The following LSAMP variants were observed in gnomAD, a reference collection of about 807,000 sequenced individuals.
LSAMP encodes limbic system associated membrane protein.
Under a neutral mutation model 38.6 loss-of-function variants are expected in LSAMP, and 7 were observed. The ratio of observed to expected loss-of-function variants is 0.18; its 90% CI spans 0.10 to 0.34. LSAMP has a LOEUF of 0.34. Ranked by LOEUF, LSAMP falls within the 10% of genes least tolerant of loss-of-function variation. The pLI is 1.00. For synonymous variants in LSAMP, 154 were observed against 166.8 expected (o/e 0.92, Z 0.59); for missense variants, 313 against 420.0 (o/e 0.75, Z 2.23).
At chr3:116,359,735 T>A (rs1576160620) in intron 1 of LSAMP, among the ~76,000 whole-genome samples, 1 of 152,168 alleles carries the variant, frequency 6.6e-6, no homozygotes, top group East Asian at 1.9e-4. Context: ...AGTCTGTATT[T>A]AATAAATGGT....
At chr3:116,040,631 G>A (rs1029056407) in intron 2 of LSAMP, among the ~76,000 whole-genome samples, 16 of 152,200 alleles carry the variant, frequency 1.1e-4, no homozygotes, top group African/African-American at 7.2e-5. Flanking sequence ...TGATAACACC[G>A]TTTGGAATAC....
intron 1 of LSAMP, among the ~76,000 whole-genome samples, chr3:116,278,342 A>G (rs2047081369): frequency 6.6e-6 from 1 of 151,972 alleles, no homozygotes. Context: ...TCTTCCTGCT[A>G]TTTACTACTA....
chr3:116,056,253 C>T (rs1429719467), intron 2 of LSAMP, among the ~76,000 whole-genome samples: 1 of 152,132 alleles, frequency 6.6e-6, no homozygotes, highest in Non-Finnish European at 1.5e-5. Context: ...GATACTAACA[C>T]AAAGATGGTC....
At chr3:116,286,531 T>A (rs2047196243) in intron 1 of LSAMP, among the ~76,000 whole-genome samples, 1 of 152,188 alleles carries the variant, frequency 6.6e-6, no homozygotes, top group Admixed American at 6.5e-5. Flanking sequence ...GCTCATGTCC[T>A]CAGATGAGGC....
At chr3:116,396,976 T>C (rs1040930034) in intron 1 of LSAMP, among the ~76,000 whole-genome samples, 1 of 152,226 alleles carries the variant, frequency 6.6e-6, no homozygotes, top group African/African-American at 2.4e-5. Flanking sequence ...TGTACCACTA[T>C]AGCTTTTGTC....
chr3:116,125,140 T>C (rs771013627), intron 1 of LSAMP, among the ~76,000 whole-genome samples: 1 of 152,166 alleles, frequency 6.6e-6, no homozygotes, highest in Non-Finnish European at 1.5e-5. Flanking sequence ...GAGAATGGCT[T>C]CTCTTATAGG....
intron 1 of LSAMP, among the ~76,000 whole-genome samples, chr3:116,351,483 G>C (rs1264786588): frequency 6.6e-6 from 1 of 152,040 alleles, no homozygotes; most frequent in African/African-American, 2.4e-5. Flanking sequence ...GAATTTTCCA[G>C]AGTCAGCAGC....
chr3:116,301,692 T>G (rs74912851), intron 1 of LSAMP, among the ~76,000 whole-genome samples: 14,511 of 152,212 alleles, frequency 0.095, 805 homozygotes, highest in Middle Eastern at 0.16. Context: ...TGGTAAAATG[T>G]ACTCCTGCCA....
chr3:116,318,601 C>T (rs895658616), intron 1 of LSAMP, among the ~76,000 whole-genome samples: 1 of 152,040 alleles, frequency 6.6e-6, no homozygotes, highest in Non-Finnish European at 1.5e-5. Flanking sequence ...CTTAAAATTA[C>T]AAGAAAAGTT....
At chr3:116,187,244 C>T (rs1710640125) in intron 1 of LSAMP, among the ~76,000 whole-genome samples, 1 of 152,054 alleles carries the variant, frequency 6.6e-6, no homozygotes, top group Non-Finnish European at 1.5e-5. Context: ...AGTGGACTGG[C>T]TCAAGGGGAA....
intron 6 of LSAMP, among the ~76,000 whole-genome samples, chr3:115,838,899 T>A (rs1263804638): frequency 1.3e-5 from 2 of 152,156 alleles, no homozygotes; most frequent in Non-Finnish European, 2.9e-5. Context: ...TGAAGATGAA[T>A]AATCGCCAAC....
chr3:116,151,729 A>G lies in LSAMP; in HGVS notation c.156-65173T>C, dbSNP rs537073827. Among the ~76,000 whole-genome samples, 16 of 152,074 alleles carry G rather than the reference A, an allele frequency of 1.1e-4. No homozygotes were observed. In the South Asian group the frequency reaches 2.9e-3, roughly 28 times the overall value. ...AGACCAAAACCCAGGAACTTGACCA[A>G]CTTTCCTCAAAGGAGCAGGTCCTCA... is the stretch of plus-strand genomic sequence containing the variant. On this transcript the variant is annotated intron_variant, in intron 1 of 6. Coordinates refer to ENST00000490035, the MANE Select transcript of LSAMP (RefSeq NM_002338.5).
At chr3:115,815,959 GT>G (rs1934003955) in intron 6 of LSAMP, among the ~76,000 whole-genome samples, 1 of 152,134 alleles carries the variant, frequency 6.6e-6, no homozygotes, top group African/African-American at 2.4e-5. Flanking sequence ...TGGGATGTAA[GT>G]TCCGCAAGAA....
rs3028640 is a variant in LSAMP, at chr3:116,378,988, A to AACACACAC, written c.155+65881_155+65888dup. The stretch of plus-strand genomic sequence containing the variant: ...CTTTTTCCTATTGGTAATTGCTCAG[A>AACACACAC]ACACACACACACACACACACACACA... On this transcript the variant is annotated intron_variant, in intron 1 of 6. Transcript: ENST00000490035. Among the ~76,000 whole-genome samples the AACACACAC allele has an allele frequency of 5.1e-3, 704 of 137,120 alleles. 3 individuals are homozygous for AACACACAC. The highest frequency in any genetic ancestry group is 0.016 in the African/African-American group (586 of 36,736). 90.0% of individuals were successfully genotyped at this position (137,120 alleles called of 152,430 possible).
At chr3:116,436,603 C>T (rs917345612) in intron 1 of LSAMP, among the ~76,000 whole-genome samples, 2 of 152,020 alleles carry the variant, frequency 1.3e-5, no homozygotes, top group African/African-American at 4.8e-5. Flanking sequence ...CTCAACATTA[C>T]TAATGAAAAT....
At chr3:116,357,915 T>TA (rs796503219) in intron 1 of LSAMP, among the ~76,000 whole-genome samples, 15,180 of 131,608 alleles carry the variant, frequency 0.12, 1,010 homozygotes, top group African/African-American at 0.21. Context: ...AACACAGAAT[T>TA]AAAAAAAAAA....
intron 1 of LSAMP, among the ~76,000 whole-genome samples, chr3:116,371,793 T>TCA (rs1041068648): frequency 5.6e-4 from 85 of 151,796 alleles, no homozygotes; most frequent in African/African-American, 2.0e-3. Context: ...ACTACAAAGA[T>TCA]CACACACACA....
intron 1 of LSAMP, among the ~76,000 whole-genome samples, chr3:116,212,611 ATTAGATACTAAAAATG>A (rs2046172888): frequency 1.3e-5 from 2 of 152,224 alleles, no homozygotes; most frequent in Non-Finnish European, 2.9e-5. Context: ...TTCTGAGTTG[ATTAGATACTAAAAATG>A]TTTATTTAAG....
chr3:115,863,544 T>C (rs1304510476), intron 3 of LSAMP, among the ~76,000 whole-genome samples: 1 of 101,314 alleles, frequency 9.9e-6, no homozygotes, highest in Non-Finnish European at 1.8e-5. Flanking sequence ...GTGTTGTATA[T>C]GTGTTATTCA....
Sources: allele counts gnomAD v4.1 joint callset (sites outside exome capture counted in the v4.1 genomes callset), GRCh38; gene constraint gnomAD v4.1.1; transcripts MANE v1.5; gene names NCBI Gene and HGNC (gene_info 2026-07-23, HGNC 2026-07-21).